Variants in FHIP2A observed in about 807,000 individuals in gnomAD.
FHIP2A encodes family with sequence similarity 160 member B1.
Under a neutral mutation model 93.5 loss-of-function variants are expected in FHIP2A, and 46 were observed. That is an observed-to-expected ratio of 0.49 (90% confidence interval 0.39 to 0.63). FHIP2A has a LOEUF of 0.63. Ranked by LOEUF, FHIP2A falls within the 20% of genes least tolerant of loss-of-function variation. The probability of loss-of-function intolerance (pLI) is 0.00; values close to 1 mark genes in which losing one functional copy is unlikely to be tolerated. For missense variants in FHIP2A, 769 were observed against 909.7 expected (o/e 0.85, Z 1.99); for synonymous variants, 332 against 326.5 (o/e 1.02, Z -0.18).
chr10:114,899,429 T>C (rs2084016173), intron 16 of FHIP2A: 1 of 717,866 alleles, frequency 1.4e-6, no homozygotes, highest in African/African-American at 1.7e-5. Flanking sequence ...ATGCTCAGGC[T>C]ACATCCTCAG....
At chr10:114,830,333 C>G (rs903564428) in intron 1 of FHIP2A, among the ~76,000 whole-genome samples, 1 of 139,882 alleles carries the variant, frequency 7.1e-6, no homozygotes, top group Admixed American at 7.7e-5. Context: ...AGTGCAGTGG[C>G]GCAATCTTGG....
intron 2 of FHIP2A, 140 bp downstream of exon 2, chr10:114,831,070 T>C: frequency 1.8e-6 from 1 of 556,728 alleles, no homozygotes; most frequent in Middle Eastern, 4.8e-4. Flanking sequence ...GTCTTTAAGA[T>C]TCAGTCACTC....
intron 16 of FHIP2A, among the ~76,000 whole-genome samples, chr10:114,874,081 T>G (rs750765748): frequency 6.6e-6 from 1 of 152,204 alleles, no homozygotes; most frequent in Non-Finnish European, 1.5e-5. Flanking sequence ...CTAAGCACTC[T>G]GAAGACAGGG....
chr10:114,848,054 CAT>C (rs1442367918), intron 12 of FHIP2A, among the ~76,000 whole-genome samples: 18 of 152,140 alleles, frequency 1.2e-4, no homozygotes, highest in Admixed American at 1.0e-3. Flanking sequence ...ACTTATTAAA[CAT>C]GTGTGCTAAG....
chr10:114,824,924 CTG>C (rs2083564556), intron 1 of FHIP2A, among the ~76,000 whole-genome samples: 1 of 152,162 alleles, frequency 6.6e-6, no homozygotes, highest in East Asian at 1.9e-4. Context: ...TTGGATCAGT[CTG>C]TGGAGTAATG....
At chr10:114,888,475 G>A (rs893180598) in intron 16 of FHIP2A, among the ~76,000 whole-genome samples, 3 of 152,168 alleles carry the variant, frequency 2.0e-5, no homozygotes, top group Admixed American at 1.3e-4. Context: ...GGAAAGATAC[G>A]AAAGCAAGAG....
chr10:114,862,460 C>T lies in FHIP2A; in HGVS notation c.*920C>T. On this transcript the variant is annotated 3_prime_UTR_variant, in exon 17 of 17. Transcript: ENST00000369248. ...GTCTAGGTGGGGAACTGACTGATAA[C>T]CCTTGGCAGCAATCAAAGTGCCAGT... 2.0e-6 allele frequency: 2 copies of T among 987,480 alleles called. No homozygotes were observed. Among genetic ancestry groups the T allele is most frequent in the Non-Finnish European group, 2.4e-6 (2 of 830,064 alleles). 61.2% of individuals were successfully genotyped at this position (987,480 alleles called of 1,614,324 possible).
chr10:114,865,992 C>G (rs994007939), downstream of FHIP2A, among the ~76,000 whole-genome samples: 1 of 151,834 alleles, frequency 6.6e-6, no homozygotes, highest in Non-Finnish European at 1.5e-5. Flanking sequence ...TTTTATGTTC[C>G]GGGATACACA....
intron 12 of FHIP2A, among the ~76,000 whole-genome samples, 187 bp downstream of exon 12, chr10:114,847,420 C>T (rs1386440367): frequency 6.6e-6 from 1 of 151,966 alleles, no homozygotes; most frequent in East Asian, 1.9e-4. Flanking sequence ...TCCCAAGTAG[C>T]TGGGATTACA....
In FHIP2A at chr10:114,846,627, C is replaced by T. The variant is rs371048144; in HGVS notation, c.1467C>T (p.Asn489=). Residue 489 remains asparagine (N), a synonymous_variant, in exon 11 of 17, where the codon AAC becomes AAT. Coordinates refer to ENST00000369248, the MANE Select transcript of FHIP2A (RefSeq NM_020940.4). ...LQKPNEHILY[N]LVLRNLEERN... ...AACCCAATGAGCACATTCTTTACAA[C>T]TTGGTCTTGAGAAATCTTGAAGAAA... 1 of 1,612,580 alleles carries T rather than the reference C, an allele frequency of 6.2e-7. No homozygotes were observed. The highest frequency in any genetic ancestry group is 8.5e-7 in the Non-Finnish European group (1 of 1,179,462).
intron 2 of FHIP2A, 62 bp from the exon 3 acceptor site, chr10:114,833,166 GTATTT>G: frequency 8.0e-7 from 1 of 1,245,228 alleles, no homozygotes; most frequent in Non-Finnish European, 1.1e-6. Flanking sequence ...GAAATACAGA[GTATTT>G]TAGGTGCAAA....
intron 5 of FHIP2A, among the ~76,000 whole-genome samples, chr10:114,837,296 G>A (rs1034715196): frequency 9.9e-5 from 15 of 152,150 alleles, no homozygotes; most frequent in African/African-American, 3.6e-4. Context: ...AGGTGGATCA[G>A]TTGAGGTCAG....
At chr10:114,871,723 T>C (rs1592029658) in intron 16 of FHIP2A, among the ~76,000 whole-genome samples, 1 of 152,168 alleles carries the variant, frequency 6.6e-6, no homozygotes, top group African/African-American at 2.4e-5. Flanking sequence ...GGGAGGCTGG[T>C]ACGCCCCTCA....
intron 3 of FHIP2A, among the ~76,000 whole-genome samples, chr10:114,834,528 G>A (rs2083625990): frequency 6.6e-6 from 1 of 152,174 alleles, no homozygotes; most frequent in Non-Finnish European, 1.5e-5. Flanking sequence ...CAGATAACAT[G>A]TCTATGATGA....
At position 114,826,412 on chromosome 10, in the gene FHIP2A, G is replaced by A. The variant is rs117388659; in HGVS notation, c.45+4289G>A. Among the ~76,000 whole-genome samples the A allele has an allele frequency of 7.3e-3, 1,113 of 152,286 alleles. 11 individuals carry two copies. The highest frequency in any genetic ancestry group is 0.031 in the Middle Eastern group (9 of 294). Reference sequence around the variant, plus strand: ...CATTTCCATTTCTTCATTATAAAGGGAAATAATTAAACCTATCATAGAATT... The same window carrying A: ...CATTTCCATTTCTTCATTATAAAGGAAAATAATTAAACCTATCATAGAATT... On this transcript the variant is annotated intron_variant, in intron 1 of 16. Coordinates refer to ENST00000369248, the MANE Select transcript of FHIP2A (RefSeq NM_020940.4).
chr10:114,845,594 G>T, intron 8 of FHIP2A, 113 bp downstream of exon 8: 1 of 666,530 alleles, frequency 1.5e-6, no homozygotes, highest in Non-Finnish European at 2.5e-6. Flanking sequence ...AGAATACCAT[G>T]GTTAGTAAAA....
intron 3 of FHIP2A, 37 bp downstream of exon 3, chr10:114,833,439 G>A (rs762863036): frequency 5.1e-6 from 8 of 1,560,974 alleles, no homozygotes; most frequent in Non-Finnish European, 7.1e-6. Flanking sequence ...TTGGGCATTA[G>A]TACATGCATT....
intron 16 of FHIP2A, among the ~76,000 whole-genome samples, chr10:114,878,970 A>G (rs759267678): frequency 2.6e-5 from 4 of 152,324 alleles, no homozygotes; most frequent in Non-Finnish European, 5.9e-5. Flanking sequence ...AACATAACAT[A>G]TATGAAATGA....
chr10:114,899,266 A>G (rs2143016904), intron 16 of FHIP2A, among the ~76,000 whole-genome samples: 1 of 152,358 alleles, frequency 6.6e-6, no homozygotes, highest in East Asian at 1.9e-4. Context: ...CTGAAACACT[A>G]ACTGAAAAGA....
Sources: allele counts gnomAD v4.1 joint callset (sites outside exome capture counted in the v4.1 genomes callset), GRCh38; gene constraint gnomAD v4.1.1; transcripts MANE v1.5; gene names NCBI Gene and HGNC (gene_info 2026-07-23, HGNC 2026-07-21).